Variants in FRMD6 observed in about 807,000 individuals in gnomAD.
FRMD6 encodes the protein FERM domain containing 6, also known as FERM domain-containing protein 6.
FRMD6 carries 37 observed loss-of-function variants against 73.2 expected under a neutral mutation model. The ratio of observed to expected loss-of-function variants is 0.51; its 90% CI spans 0.39 to 0.66. FRMD6 has a LOEUF of 0.66. Ranked by LOEUF, FRMD6 falls within the 30% of genes least tolerant of loss-of-function variation. The pLI is 0.00. For synonymous variants in FRMD6, 273 were observed against 282.2 expected, an observed-to-expected ratio of 0.97 and a Z score of 0.33; for missense variants, 714 against 780.5, an observed-to-expected ratio of 0.91 and a Z score of 1.02.
At chr14:51,401,904 G>C in the FRMD6 span, among the ~76,000 whole-genome samples, 21 of 152,216 alleles carry the variant, frequency 1.4e-4, no homozygotes, top group African/African-American at 5.1e-4. Context: ...AAAACAGGCC[G>C]TGGAGGGAGT....
the FRMD6 span, among the ~76,000 whole-genome samples, chr14:51,421,784 A>G: frequency 3.9e-5 from 6 of 152,254 alleles, no homozygotes; most frequent in African/African-American, 1.4e-4. Context: ...AAGCTGCTGC[A>G]CAGGAGACCA....
chr14:51,433,947 A>G, the FRMD6 span, among the ~76,000 whole-genome samples: 2 of 152,364 alleles, frequency 1.3e-5, no homozygotes, highest in East Asian at 3.9e-4. Context: ...AACGAACTGT[A>G]CGCAAATATC....
intron 1 of FRMD6, among the ~76,000 whole-genome samples, chr14:51,497,235 T>A (rs1426712893): frequency 1.9e-5 from 2 of 103,888 alleles, no homozygotes; most frequent in African/African-American, 4.3e-5. Flanking sequence ...CTGAAATAAC[T>A]TTTTTTTTTT....
At chr14:51,459,243 C>A in the FRMD6 span, among the ~76,000 whole-genome samples, 1 of 152,188 alleles carries the variant, frequency 6.6e-6, no homozygotes, top group Admixed American at 6.5e-5. Flanking sequence ...TTTTCTAACT[C>A]TTCTAATCTC....
At chr14:51,652,733 G>A (rs1892515111) in intron 1 of FRMD6, among the ~76,000 whole-genome samples, 1 of 152,186 alleles carries the variant, frequency 6.6e-6, no homozygotes, top group African/African-American at 2.4e-5. Context: ...GCGCGCTGGC[G>A]GAGCCCCAGG....
chr14:51,500,280 G>A (rs1317681186), intron 1 of FRMD6, among the ~76,000 whole-genome samples: 1 of 152,160 alleles, frequency 6.6e-6, no homozygotes, highest in Non-Finnish European at 1.5e-5. Context: ...TGTAATTCCA[G>A]CACTTTGAGG....
At chr14:51,711,692 G>T in intron 8 of FRMD6, 96 bp downstream of exon 8, 1 of 852,834 alleles carries the variant, frequency 1.2e-6, no homozygotes. Flanking sequence ...GTTCATTTTT[G>T]GCCACTGGCT....
At chr14:51,726,839 A>T (rs1897984649) in intron 13 of FRMD6, among the ~76,000 whole-genome samples, 1 of 152,206 alleles carries the variant, frequency 6.6e-6, no homozygotes, top group South Asian at 2.1e-4. Context: ...CTAGTAAAAC[A>T]TGCTTCTGGA....
intron 2 of FRMD6, among the ~76,000 whole-genome samples, chr14:51,607,936 G>T (rs1047983189): frequency 6.6e-6 from 1 of 152,172 alleles, no homozygotes; most frequent in Non-Finnish European, 1.5e-5. Flanking sequence ...CTGGGCTCCT[G>T]CCTGTCTGCT....
At chr14:51,610,193 G>A (rs1265180347) in intron 2 of FRMD6, among the ~76,000 whole-genome samples, 2 of 152,050 alleles carry the variant, frequency 1.3e-5, no homozygotes, top group Non-Finnish European at 2.9e-5. Flanking sequence ...CAATGGACCC[G>A]GGGGTGGGGG....
chr14:51,702,193 C>A (rs549247425), intron 4 of FRMD6, among the ~76,000 whole-genome samples: 2 of 151,972 alleles, frequency 1.3e-5, no homozygotes, highest in South Asian at 4.1e-4. Flanking sequence ...CAGAGCTGAG[C>A]GAGGAGCTGG....
At chr14:51,553,919 T>C (rs753679688) in intron 1 of FRMD6, among the ~76,000 whole-genome samples, 5 of 152,142 alleles carry the variant, frequency 3.3e-5, no homozygotes, top group Non-Finnish European at 5.9e-5. Context: ...AGCACCCTAA[T>C]ATCTTATTAG....
intron 1 of FRMD6, among the ~76,000 whole-genome samples, chr14:51,667,522 A>T (rs1893687630): frequency 6.6e-6 from 1 of 152,222 alleles, no homozygotes; most frequent in African/African-American, 2.4e-5. Flanking sequence ...AGAATTCTAT[A>T]CTTAACCCAT....
At chr14:51,533,515 C>T (rs2140340558) in intron 1 of FRMD6, among the ~76,000 whole-genome samples, 1 of 152,282 alleles carries the variant, frequency 6.6e-6, no homozygotes. Context: ...GCTGACTCTC[C>T]ATTTTATATA....
chr14:51,486,936 G>GTTTTTTT (rs5808614), upstream of FRMD6, among the ~76,000 whole-genome samples: 4 of 146,338 alleles, frequency 2.7e-5, no homozygotes. Flanking sequence ...GTATAAAACC[G>GTTTTTTT]TTTTTTTTTT....
At chr14:51,400,868 A>T in the FRMD6 span, among the ~76,000 whole-genome samples, 108 of 152,344 alleles carry the variant, frequency 7.1e-4, no homozygotes, top group Non-Finnish European at 1.1e-3. Context: ...TCTACTACAC[A>T]GTAATTTATT....
intron 1 of FRMD6, among the ~76,000 whole-genome samples, chr14:51,527,875 A>G (rs896387030): frequency 2.0e-5 from 3 of 151,936 alleles, no homozygotes; most frequent in Admixed American, 6.6e-5. Context: ...ACACAGAAGG[A>G]CTCCTTCAGT....
At chr14:51,463,979 G>A in the FRMD6 span, among the ~76,000 whole-genome samples, 1 of 152,068 alleles carries the variant, frequency 6.6e-6, no homozygotes, top group Non-Finnish European at 1.5e-5. Flanking sequence ...TACCATGTGT[G>A]GCTAGTTCGT....
At chr14:51,590,991 G>A (rs1381313550) in intron 2 of FRMD6, among the ~76,000 whole-genome samples, 3 of 152,190 alleles carry the variant, frequency 2.0e-5, no homozygotes, top group African/African-American at 4.8e-5. Context: ...TTCCTCAACT[G>A]CATCTTTATC....
Sources: allele counts gnomAD v4.1 joint callset (sites outside exome capture counted in the v4.1 genomes callset), GRCh38; gene constraint gnomAD v4.1.1; transcripts MANE v1.5; gene names NCBI Gene and HGNC (gene_info 2026-07-23, HGNC 2026-07-21).